SGCZ: variants seen among roughly 807,000 people sequenced by gnomAD.
The protein encoded by SGCZ is zeta-sarcoglycan.
Under a neutral mutation model 41.3 loss-of-function variants are expected in SGCZ, and 40 were observed. The ratio of observed to expected loss-of-function variants is 0.97; its 90% CI spans 0.75 to 1.26. SGCZ has a LOEUF of 1.26. SGCZ is among the 50% of genes most tolerant of loss of function. The probability of loss-of-function intolerance (pLI) is 0.00; values close to 1 mark genes in which losing one functional copy is unlikely to be tolerated. For missense variants in SGCZ, 552 were observed against 369.8 expected, an observed-to-expected ratio of 1.49 and a Z score of -4.04; for synonymous variants, 206 against 137.5, an observed-to-expected ratio of 1.50 and a Z score of -3.49.
rs534120873 is a variant in SGCZ, at chr8:14,084,990, A to G, written c.*5453T>C. On this transcript the variant is annotated 3_prime_UTR_variant, in exon 8 of 8. Transcript: ENST00000382080. The stretch of plus-strand genomic sequence containing the variant: ...GCTTCAAAAGGTCTCATTTCAGAGA[A>G]AAAAAGGTTTCCAATTGCCAAAACT... 2.1e-4 allele frequency among the ~76,000 whole-genome samples: 32 copies of G among 151,758 alleles called. No homozygotes were observed. Among genetic ancestry groups the G allele is most frequent in the Non-Finnish European group, 4.3e-4 (29 of 67,826 alleles).
At chr8:14,504,340 C>T (rs1445072067) in intron 2 of SGCZ, among the ~76,000 whole-genome samples, 1 of 152,114 alleles carries the variant, frequency 6.6e-6, no homozygotes, top group Non-Finnish European at 1.5e-5. Context: ...CCCATGGGGG[C>T]TAGAAATTCT....
chr8:14,976,627 C>A (rs951790595), intron 1 of SGCZ, among the ~76,000 whole-genome samples: 2 of 152,114 alleles, frequency 1.3e-5, no homozygotes, highest in African/African-American at 4.8e-5. Context: ...CTTGTAACAA[C>A]GTCACTTTCA....
chr8:15,184,459 G>T (rs1800273221), intron 1 of SGCZ, among the ~76,000 whole-genome samples: 1 of 152,068 alleles, frequency 6.6e-6, no homozygotes, highest in Admixed American at 6.6e-5. Context: ...CTGAGAAGTT[G>T]TATCGGGCAT....
At chr8:14,900,459 C>T (rs181368093) in intron 1 of SGCZ, among the ~76,000 whole-genome samples, 1 of 152,180 alleles carries the variant, frequency 6.6e-6, no homozygotes, top group Admixed American at 6.5e-5. Flanking sequence ...CTGTATGGCA[C>T]AGAAATCAAC....
intron 1 of SGCZ, among the ~76,000 whole-genome samples, chr8:14,961,712 C>T (rs1323288449): frequency 6.6e-6 from 1 of 152,012 alleles, no homozygotes; most frequent in Non-Finnish European, 1.5e-5. Context: ...TAAGGAGGAA[C>T]TACTGTACAA....
chr8:14,391,311 A>G (rs1424307558), intron 2 of SGCZ, among the ~76,000 whole-genome samples: 1 of 152,140 alleles, frequency 6.6e-6, no homozygotes, highest in Non-Finnish European at 1.5e-5. Flanking sequence ...CTTCTTATAA[A>G]AGTTGTATAC....
chr8:15,004,082 A>C (rs1802517345), intron 1 of SGCZ, among the ~76,000 whole-genome samples: 1 of 152,098 alleles, frequency 6.6e-6, no homozygotes, highest in Admixed American at 6.6e-5. Context: ...AACAGAGAGG[A>C]GGAGAAATAC....
chr8:14,607,489 A>T (rs186145645), intron 1 of SGCZ, among the ~76,000 whole-genome samples: 60 of 152,326 alleles, frequency 3.9e-4, no homozygotes, highest in African/African-American at 1.3e-3. Flanking sequence ...TCAAACAGAC[A>T]TCATTTCCCT....
chr8:15,210,888 A>T (rs548165584), intron 1 of SGCZ, among the ~76,000 whole-genome samples: 1 of 151,902 alleles, frequency 6.6e-6, no homozygotes, highest in Non-Finnish European at 1.5e-5. Flanking sequence ...TTAGAACCCC[A>T]CATCCAGCAT....
chr8:14,652,167 C>A (rs1807421054), intron 1 of SGCZ, among the ~76,000 whole-genome samples: 2 of 151,462 alleles, frequency 1.3e-5, no homozygotes, highest in South Asian at 4.2e-4. Flanking sequence ...ATGGAGAAAA[C>A]CCTGTCTCTA....
chr8:14,620,049 G>C (rs1342506684), intron 1 of SGCZ, among the ~76,000 whole-genome samples: 4 of 152,128 alleles, frequency 2.6e-5, no homozygotes, highest in African/African-American at 4.8e-5. Flanking sequence ...ATACTACAAG[G>C]CTTCAGTAAC....
chr8:14,577,452 A>G (rs9692796), intron 1 of SGCZ, among the ~76,000 whole-genome samples: 179 of 144,510 alleles, frequency 1.2e-3, no homozygotes, highest in Non-Finnish European at 2.2e-3. Context: ...ATAGTGGCGC[A>G]ATCTCGGTTC....
intron 2 of SGCZ, among the ~76,000 whole-genome samples, chr8:14,516,806 G>A (rs1469983143): frequency 6.6e-6 from 1 of 152,008 alleles, no homozygotes; most frequent in Admixed American, 6.6e-5. Flanking sequence ...CTGACACTGA[G>A]TAAATTTTGT....
intron 1 of SGCZ, among the ~76,000 whole-genome samples, chr8:14,602,102 A>T (rs1053749225): frequency 2.6e-5 from 4 of 152,282 alleles, no homozygotes; most frequent in Admixed American, 1.3e-4. Context: ...CCTGGGCGAC[A>T]GAGCGAGTCT....
intron 1 of SGCZ, among the ~76,000 whole-genome samples, chr8:14,646,930 A>T (rs1022698347): frequency 2.0e-5 from 3 of 151,950 alleles, no homozygotes; most frequent in African/African-American, 7.2e-5. Context: ...TACTTCTTTT[A>T]AGACTCTAGC....
chr8:14,176,368 A>T (rs1045009830), intron 4 of SGCZ, among the ~76,000 whole-genome samples: 4 of 152,174 alleles, frequency 2.6e-5, no homozygotes, highest in African/African-American at 4.8e-5. Context: ...AAAGTAACTA[A>T]TTTTTATGTT....
intron 1 of SGCZ, among the ~76,000 whole-genome samples, chr8:14,868,994 G>A (rs1046850952): frequency 1.2e-4 from 18 of 152,038 alleles, no homozygotes; most frequent in Admixed American, 5.9e-4. Flanking sequence ...ATTCACAGCC[G>A]AACTCTACCA....
intron 1 of SGCZ, among the ~76,000 whole-genome samples, chr8:14,787,458 TA>T (rs528233457): frequency 1.3e-5 from 2 of 151,978 alleles, no homozygotes; most frequent in Non-Finnish European, 2.9e-5. Flanking sequence ...AATAGTAAAA[TA>T]AAAAGTTGTA....
At chr8:14,324,927 G>T (rs1181362828) in intron 2 of SGCZ, among the ~76,000 whole-genome samples, 2 of 152,098 alleles carry the variant, frequency 1.3e-5, no homozygotes, top group Admixed American at 6.6e-5. Context: ...GTCCCTGGAG[G>T]GTGGAACAAA....
Sources: gnomAD v4.1 joint callset for allele counts (sites outside exome capture counted in the v4.1 genomes callset) on GRCh38, gnomAD v4.1.1 for gene constraint, MANE v1.5 for transcripts, NCBI Gene and HGNC (gene_info 2026-07-23, HGNC 2026-07-21) for gene names.